The following AK8 variants were observed in gnomAD, a reference collection of about 807,000 sequenced individuals.
AK8 encodes the protein ATP-AMP transphosphorylase 8.
Under a neutral mutation model 54.6 loss-of-function variants are expected in AK8, and 44 were observed. The ratio of observed to expected loss-of-function variants is 0.81; its 90% CI spans 0.63 to 1.04. The LOEUF (loss-of-function observed/expected upper bound fraction) is 1.04, where lower values mean the gene tolerates loss of function less well. AK8 is among the 50% of genes least tolerant of loss of function. The pLI is 0.00. For synonymous variants in AK8, 239 were observed against 245.6 expected, an observed-to-expected ratio of 0.97 and a Z score of 0.25; for missense variants, 555 against 613.6, an observed-to-expected ratio of 0.90 and a Z score of 1.01.
chr9:132,730,763 G>C (rs1019171158), intron 11 of AK8, among the ~76,000 whole-genome samples: 8 of 152,214 alleles, frequency 5.3e-5, no homozygotes, highest in African/African-American at 1.9e-4. Context: ...ACTACATGGA[G>C]AATGTGTGCC....
intron 10 of AK8, among the ~76,000 whole-genome samples, chr9:132,797,662 T>G (rs1840236454): frequency 6.6e-6 from 1 of 152,242 alleles, no homozygotes; most frequent in Non-Finnish European, 1.5e-5. Flanking sequence ...TTCATTATTC[T>G]ATTCTCTCTG....
chr9:132,787,188 C>G (rs576879871), intron 11 of AK8, among the ~76,000 whole-genome samples: 36 of 152,106 alleles, frequency 2.4e-4, no homozygotes, highest in African/African-American at 8.4e-4. Context: ...ACAGCAGTTT[C>G]AGAGAGAATA....
chr9:132,779,472 C>T (rs1839369829), intron 11 of AK8, among the ~76,000 whole-genome samples: 1 of 152,314 alleles, frequency 6.6e-6, no homozygotes, highest in African/African-American at 2.4e-5. Flanking sequence ...CAGGTGTGCA[C>T]CACCATGCGC....
At chr9:132,862,575 C>T (rs1843434341) in intron 4 of AK8, among the ~76,000 whole-genome samples, 1 of 152,090 alleles carries the variant, frequency 6.6e-6, no homozygotes, top group African/African-American at 2.4e-5. Flanking sequence ...GTGATCTGCC[C>T]ACCTTGGCCT....
In AK8 at chr9:132,826,818, C is replaced by A; in HGVS notation, c.757+36G>T. ...AGGCACAGCGAGCCCCGCCCTTGGC[C>A]GTCTGTCCAGGGTGGGGCTGCCTGC... On this transcript the variant is annotated intron_variant, in intron 8 of 12. Coordinates refer to ENST00000298545, the MANE Select transcript of AK8 (RefSeq NM_152572.3). This position sits in a 1 kb window ranked among gnomAD's most constrained non-coding sequence, Gnocchi z 4.5. 2 of 1,604,466 alleles carry A rather than the reference C, an allele frequency of 1.2e-6. No homozygotes were observed. Among genetic ancestry groups the A allele is most frequent in the Non-Finnish European group, 1.7e-6 (2 of 1,171,350 alleles).
rs368367052 is a variant in AK8 at position 132,824,334 on chromosome 9, T to G, written c.758-998A>C. 7.9e-5 allele frequency among the ~76,000 whole-genome samples: 12 copies of G among 152,234 alleles called. No homozygotes were observed. In the East Asian group the frequency reaches 1.7e-3, roughly 22 times the overall value. Reference sequence around the variant, plus strand: ...CTCCTGCCAAGGCCCCAGACTGTCCTGTGCAAACTCAGCCAGGGGTGGCCC... The same window carrying G: ...CTCCTGCCAAGGCCCCAGACTGTCCGGTGCAAACTCAGCCAGGGGTGGCCC... On this transcript the variant is annotated intron_variant, in intron 8 of 12. Transcript: ENST00000298545.
At chr9:132,875,311 T>C in intron 1 of AK8, 112 bp from the exon 2 acceptor site, 1 of 1,505,780 alleles carries the variant, frequency 6.6e-7, no homozygotes. Context: ...AAACATGCCT[T>C]CAACCTGGGA....
intron 11 of AK8, among the ~76,000 whole-genome samples, chr9:132,745,556 C>T (rs1837610838): frequency 6.6e-6 from 1 of 152,164 alleles, no homozygotes; most frequent in East Asian, 1.9e-4. Context: ...AAAGGCTCAG[C>T]ATGCGATCGC....
rs182112297 is a variant in AK8 at position 132,775,464 on chromosome 9, G to A, written c.1121+17170C>T. On this transcript the variant is annotated intron_variant, in intron 11 of 12. Coordinates refer to ENST00000298545, the MANE Select transcript of AK8 (RefSeq NM_152572.3). Reference sequence around the variant, plus strand: ...ATTACAGGCGTGCACCACCATGCCCGGCTAATTTTTGTATTTTTAGTACAG... The same window carrying A: ...ATTACAGGCGTGCACCACCATGCCCAGCTAATTTTTGTATTTTTAGTACAG... Among the ~76,000 whole-genome samples the A allele has an allele frequency of 3.4e-3, 513 of 152,052 alleles. 4 individuals carry two copies. The highest frequency in any genetic ancestry group is 0.012 in the African/African-American group (478 of 41,486).
At chr9:132,777,796 G>C (rs1238192283) in intron 11 of AK8, among the ~76,000 whole-genome samples, 1 of 152,214 alleles carries the variant, frequency 6.6e-6, no homozygotes, top group African/African-American at 2.4e-5. Flanking sequence ...GGGTGCAAGA[G>C]AGATCGCTGC....
At chr9:132,805,002 T>C (rs902547902) in intron 10 of AK8, among the ~76,000 whole-genome samples, 3 of 152,104 alleles carry the variant, frequency 2.0e-5, no homozygotes, top group Non-Finnish European at 4.4e-5. Context: ...GCACCTGCCG[T>C]TGGGGGGTCT....
intron 9 of AK8, among the ~76,000 whole-genome samples, chr9:132,821,380 T>G (rs1440599300): frequency 6.6e-6 from 1 of 152,098 alleles, no homozygotes; most frequent in Non-Finnish European, 1.5e-5. Context: ...TCCCTAACAC[T>G]GCTGGAAATT....
chr9:132,865,615 C>T (rs967444435), intron 3 of AK8, among the ~76,000 whole-genome samples: 3 of 151,580 alleles, frequency 2.0e-5, no homozygotes, highest in Non-Finnish European at 4.4e-5. Flanking sequence ...GAGATCAAGA[C>T]CATCCTGGCC....
Position 132,823,199 on chromosome 9 carries a change from A to G in AK8, c.889+6T>C, listed in dbSNP as rs1273983720. On this transcript the variant is annotated splice_donor_region_variant and intron_variant, in intron 9 of 12. Transcript: ENST00000298545. Reference sequence around the variant, plus strand: ...AGCTGGGCAGCCCAGCACCTGGGGCACTCACCATTGACAAGCCTGTATTTC... The same window carrying G: ...AGCTGGGCAGCCCAGCACCTGGGGCGCTCACCATTGACAAGCCTGTATTTC... 6 of 1,561,218 alleles carry G rather than the reference A, an allele frequency of 3.8e-6. No individual in the cohort carries two copies. The Admixed American group carries it at 1.1e-4, about 30-fold the overall frequency.
intron 11 of AK8, among the ~76,000 whole-genome samples, chr9:132,775,102 T>C (rs895475876): frequency 6.6e-6 from 1 of 151,264 alleles, no homozygotes; most frequent in African/African-American, 2.4e-5. Context: ...TTACCCAGAA[T>C]GCTGTGCTGA....
At position 132,827,945 on chromosome 9, in the gene AK8, T is replaced by C. The variant is rs1439737925; in HGVS notation, c.556+68A>G. Reference sequence around the variant, plus strand: ...AGCAGAATGCGAGGTCAGGAAATGGTAGACGGGCTGTCATCACCATGGACT... The same window carrying C: ...AGCAGAATGCGAGGTCAGGAAATGGCAGACGGGCTGTCATCACCATGGACT... On this transcript the variant is annotated intron_variant, in intron 7 of 12. Transcript: ENST00000298545. 7.4e-6 allele frequency: 11 copies of C among 1,478,364 alleles called. No individual in the cohort carries two copies. The African/African-American group carries it at 1.5e-4, about 21-fold the overall frequency. 91.6% of individuals were successfully genotyped at this position (1,478,364 alleles called of 1,614,324 possible). A position where few individuals can be genotyped will look rare whatever the true frequency, so the allele number is the denominator to read the frequency against.
At chr9:132,815,640 C>T (rs920625745) in intron 9 of AK8, among the ~76,000 whole-genome samples, 12 of 152,364 alleles carry the variant, frequency 7.9e-5, no homozygotes, top group Middle Eastern at 3.4e-3. Context: ...GACACCTGCT[C>T]GCCCTGGGCA....
chr9:132,762,309 T>C (rs1838515949), intron 11 of AK8, among the ~76,000 whole-genome samples: 1 of 152,214 alleles, frequency 6.6e-6, no homozygotes, highest in Non-Finnish European at 1.5e-5. Flanking sequence ...TCTTTGAGTT[T>C]AGTAATTTTT....
chr9:132,827,108 G>A (rs750039110), intron 7 of AK8, 54 bp from the exon 8 acceptor site: 19 of 1,562,722 alleles, frequency 1.2e-5, no homozygotes, highest in Non-Finnish European at 1.4e-5. Context: ...CCCTGTGGGC[G>A]CTGCTGTGCC....
Sources: allele counts gnomAD v4.1 joint callset (sites outside exome capture counted in the v4.1 genomes callset), GRCh38; gene constraint gnomAD v4.1.1; non-coding constraint Gnocchi (gnomAD v3.1); transcripts MANE v1.5; gene names NCBI Gene and HGNC (gene_info 2026-07-23, HGNC 2026-07-21).